The following ASTN1 variants were observed in gnomAD, a reference collection of about 807,000 sequenced individuals.
The protein encoded by ASTN1 is astrotactin-1.
In ASTN1, 41 loss-of-function variants were observed where a neutral mutation model predicts 140.7. That is an observed-to-expected ratio of 0.29 (90% CI 0.23 to 0.38). ASTN1 has a LOEUF of 0.38. Among genes scored for constraint, ASTN1 ranks in the 10% least tolerant of loss-of-function variants. The pLI, the probability that ASTN1 is intolerant of heterozygous loss-of-function variation, is 1.00. For synonymous variants in ASTN1, 640 were observed against 652.2 expected (o/e 0.98, Z 0.29); for missense variants, 1,479 against 1,678.8 (o/e 0.88, Z 2.08).
rs1377092878 is a variant in ASTN1, at chr1:177,164,309, G to T, written c.283+85C>A. 7 of 1,367,302 alleles carry T rather than the reference G, an allele frequency of 5.1e-6. No homozygotes were observed. In the African/African-American group the frequency reaches 8.9e-5, roughly 17 times the overall value. 84.7% of individuals were successfully genotyped at this position (1,367,302 alleles called of 1,614,324 possible). ...GAGTGGGGGAGGGGAGGTCGTCGGC[G>T]AGTGGGTGTGTAGAGCGAGCTGGAG... On this transcript the variant is annotated intron_variant, in intron 1 of 22. Transcript: ENST00000361833.
chr1:176,955,046 C>T (rs1352230830), intron 11 of ASTN1, among the ~76,000 whole-genome samples: 1 of 152,214 alleles, frequency 6.6e-6, no homozygotes, highest in Non-Finnish European at 1.5e-5. Context: ...GGTATATGCT[C>T]TGCCTCTGCC....
At chr1:176,961,361 A>T (rs1672652342) in intron 9 of ASTN1, among the ~76,000 whole-genome samples, 1 of 152,218 alleles carries the variant, frequency 6.6e-6, no homozygotes, top group South Asian at 2.1e-4. Flanking sequence ...CATGTTAATA[A>T]GAAAAGCAGC....
At chr1:176,911,578 C>A (rs910248713) in intron 16 of ASTN1, among the ~76,000 whole-genome samples, 1 of 151,390 alleles carries the variant, frequency 6.6e-6, no homozygotes, top group Non-Finnish European at 1.5e-5. Context: ...TTGTTAAAAA[C>A]GAAGACACAA....
At chr1:176,887,209 C>T (rs771363887) in intron 18 of ASTN1, among the ~76,000 whole-genome samples, 6 of 152,194 alleles carry the variant, frequency 3.9e-5, no homozygotes, top group Non-Finnish European at 5.9e-5. Flanking sequence ...AATCTCATCT[C>T]TAGTATTTAC....
At chr1:176,872,209 A>T (rs12028641) in intron 21 of ASTN1, among the ~76,000 whole-genome samples, 47,196 of 133,626 alleles carry the variant, frequency 0.35, 8,466 homozygotes, top group East Asian at 0.71. Context: ...TTTTTTTTTT[A>T]AAAAAAAGCA....
intron 8 of ASTN1, among the ~76,000 whole-genome samples, chr1:176,978,642 G>T (rs1350098486): frequency 6.6e-6 from 1 of 152,114 alleles, no homozygotes; most frequent in Non-Finnish European, 1.5e-5. Context: ...TAAGGGGAGG[G>T]TCTAGTGGGG....
In ASTN1 at chr1:177,152,391, C is replaced by T. The variant is rs151175062; in HGVS notation, c.283+12003G>A. Among the ~76,000 whole-genome samples, 12 of 152,114 alleles carry T rather than the reference C, an allele frequency of 7.9e-5. 1 individual carries two copies. The East Asian group carries it at 1.4e-3, about 17-fold the overall frequency. On this transcript the variant is annotated intron_variant, in intron 1 of 22. Transcript: ENST00000361833. The stretch of plus-strand genomic sequence containing the variant: ...CCAAAGGTAGTCAATTAACACACAA[C>T]ATTAATAGCTTTCACATACAGAAAG...
chr1:177,036,507 T>C (rs1422380215), intron 2 of ASTN1, among the ~76,000 whole-genome samples: 6 of 152,220 alleles, frequency 3.9e-5, no homozygotes, highest in African/African-American at 1.4e-4. Flanking sequence ...TACTTTGCAA[T>C]GGCTTACTAA....
intron 1 of ASTN1, among the ~76,000 whole-genome samples, chr1:177,131,287 T>C (rs777452655): frequency 6.6e-6 from 1 of 152,086 alleles, no homozygotes; most frequent in Non-Finnish European, 1.5e-5. Flanking sequence ...AAGAAAATAA[T>C]CAGAAATACA....
chr1:176,981,976 TA>T (rs915789068), intron 8 of ASTN1, among the ~76,000 whole-genome samples: 1 of 151,854 alleles, frequency 6.6e-6, no homozygotes, highest in Non-Finnish European at 1.5e-5. Flanking sequence ...TTGTGCCAAA[TA>T]AAAAAAGGCT....
chr1:177,033,634 C>T (rs934973874), intron 2 of ASTN1, among the ~76,000 whole-genome samples: 3 of 152,170 alleles, frequency 2.0e-5, no homozygotes, highest in African/African-American at 7.2e-5. Context: ...ACAGCTTTCC[C>T]TTAACCACAC....
At chr1:176,953,792 T>C (rs1672292523) in intron 11 of ASTN1, among the ~76,000 whole-genome samples, 1 of 152,192 alleles carries the variant, frequency 6.6e-6, no homozygotes, top group Admixed American at 6.5e-5. Context: ...GTGTGTTCAA[T>C]ACATGAGAAA....
chr1:176,945,229 C>T (rs1463091405), intron 13 of ASTN1, among the ~76,000 whole-genome samples: 7 of 151,918 alleles, frequency 4.6e-5, no homozygotes, highest in Non-Finnish European at 1.0e-4. Flanking sequence ...TAATTGAAGG[C>T]CCCAAGTAGC....
At position 177,061,158 on chromosome 1, in the gene ASTN1, G is replaced by A. The variant is rs771264751; in HGVS notation, c.391C>T (p.Leu131Phe). ...HIHHQDGAPS[L>F]PGQDPTEEPQ... ...TCTTCAGTGGGGTCTTGTCCAGGAA[G>A]GCTTGGGGCACCATCTTGGTGATGA... Residue 131 changes from leucine to phenylalanine, a missense_variant, in exon 2 of 23, where the codon CTT becomes TTT. This residue lies in a region of ASTN1 where 729 missense variants were observed against 860.4 expected (regional missense o/e 0.85). Coordinates refer to ENST00000361833, the MANE Select transcript of ASTN1 (RefSeq NM_004319.3). 6.2e-7 allele frequency: 1 copy of A among 1,611,616 alleles called. No homozygotes were observed. Among genetic ancestry groups the A allele is most frequent in the Admixed American group, 1.7e-5 (1 of 59,654 alleles).
At chr1:176,965,990 TTAAA>T (rs1400020012) in intron 8 of ASTN1, among the ~76,000 whole-genome samples, 1 of 152,208 alleles carries the variant, frequency 6.6e-6, no homozygotes, top group Non-Finnish European at 1.5e-5. Flanking sequence ...ACTATTTCTT[TTAAA>T]TAGTGTATAT....
intron 8 of ASTN1, among the ~76,000 whole-genome samples, chr1:176,968,732 T>C (rs1279453800): frequency 2.0e-5 from 3 of 152,232 alleles, no homozygotes; most frequent in African/African-American, 7.2e-5. Flanking sequence ...GTGTGTGAAC[T>C]GTGATATTAG....
rs71129589 is a variant in ASTN1 at position 176,922,556 on chromosome 1, C to CAAAAAAA, written c.2671+11589_2671+11595dup. On this transcript the variant is annotated intron_variant, in intron 16 of 22. Transcript: ENST00000361833. ...ACAGTGTCCACTCCAGCCCCCACTG[C>CAAAAAAA]AAAAAAAAAAAAAAAAAAAAAAAAA... 4.6e-3 allele frequency among the ~76,000 whole-genome samples: 353 copies of CAAAAAAA among 77,552 alleles called. 16 individuals carry two copies. The highest frequency in any genetic ancestry group is 0.016 in the African/African-American group (323 of 19,792). The allele number at this position is 77,552 out of a possible 152,430, so 50.9% of individuals were successfully genotyped here. A position where few individuals can be genotyped will look rare whatever the true frequency, so the allele number is the denominator to read the frequency against.
At chr1:176,972,262 G>A (rs1673169771) in intron 8 of ASTN1, among the ~76,000 whole-genome samples, 1 of 152,044 alleles carries the variant, frequency 6.6e-6, no homozygotes, top group Admixed American at 6.6e-5. Flanking sequence ...AGATAAAATG[G>A]TGCCTCGAGT....
chr1:176,889,369 TTC>T (rs1571462520), intron 17 of ASTN1, among the ~76,000 whole-genome samples: 1 of 152,338 alleles, frequency 6.6e-6, no homozygotes, highest in Non-Finnish European at 1.5e-5. Context: ...TTTCTTATGA[TTC>T]TCTTCTCTTT....
Sources: gnomAD v4.1 joint callset for allele counts (sites outside exome capture counted in the v4.1 genomes callset) on GRCh38, gnomAD v4.1.1 for gene constraint, gnomAD v4.1.1 regional missense constraint, MANE v1.5 for transcripts, NCBI Gene and HGNC (gene_info 2026-07-23, HGNC 2026-07-21) for gene names.